Variants in BRICD5 observed in about 807,000 individuals in gnomAD.
BRICD5 encodes the protein BRICHOS domain-containing protein 5.
Under a neutral mutation model 28.4 loss-of-function variants are expected in BRICD5, and 51 were observed. The observed-to-expected ratio is 1.80, with a 90% CI of 1.43 to 2.27. The LOEUF (loss-of-function observed/expected upper bound fraction) is 2.27. Ranked by LOEUF, BRICD5 falls within the 30% of genes most tolerant of loss-of-function variation. The pLI is 0.00. For missense variants in BRICD5, 456 were observed against 309.6 expected (o/e 1.47, Z -3.55); for synonymous variants, 177 against 130.2 (o/e 1.36, Z -2.44).
At chr16:2,209,758 G>C in intron 4 of BRICD5, 52 bp from the exon 5 acceptor site, 1 of 1,531,466 alleles carries the variant, frequency 6.5e-7, no homozygotes, top group Non-Finnish European at 8.8e-7. Flanking sequence ...CCTGCTCCTG[G>C]CTTGGCAGGG....
intron 2 of BRICD5, 107 bp downstream of exon 2, chr16:2,210,412 AGGT>A: frequency 6.5e-7 from 1 of 1,533,850 alleles, no homozygotes; most frequent in Non-Finnish European, 8.8e-7. Context: ...GTCTGCTCCT[AGGT>A]GGTGTCACTG....
rs767796924 is a variant in BRICD5 at position 2,210,787 on chromosome 16, G to A, written c.47C>T (p.Thr16Ile). Reference sequence around the variant, plus strand: ...GGAGTAACGGGAGGCACTCACCCCTGTAGGCCCAGGTTTGGGGCGCTCAGC... The same window carrying A: ...GGAGTAACGGGAGGCACTCACCCCTATAGGCCCAGGTTTGGGGCGCTCAGC... ...CCAERPKPGP[T>I]GVKTKPSCGG... Residue 16 changes from threonine (T) to isoleucine (I), a missense_variant, in exon 1 of 6, where the codon ACA becomes ATA. By Grantham distance (89) the Thr-to-Ile change is moderately conservative. Transcript: ENST00000328540. 8 of 1,606,270 alleles carry A rather than the reference G, an allele frequency of 5.0e-6. No individual in the cohort carries two copies. Among genetic ancestry groups the A allele is most frequent in the Non-Finnish European group, 6.8e-6 (8 of 1,179,952 alleles).
At position 2,209,257 on chromosome 16, in the gene BRICD5, G is replaced by C. The variant is rs2093357878; in HGVS notation, c.*105C>G. 9.2e-7 allele frequency: 1 copy of C among 1,081,216 alleles called. No individual in the cohort carries two copies. Among genetic ancestry groups the C allele is most frequent in the Non-Finnish European group, 1.4e-6 (1 of 736,642 alleles). 67.0% of individuals were successfully genotyped at this position (1,081,216 alleles called of 1,614,324 possible). A position where few individuals can be genotyped will look rare whatever the true frequency, so the allele number is the denominator to read the frequency against. On this transcript the variant is annotated 3_prime_UTR_variant, in exon 6 of 6. Coordinates refer to ENST00000328540, the MANE Select transcript of BRICD5 (RefSeq NM_182563.4). The stretch of plus-strand genomic sequence containing the variant: ...ATAGAGAACACCACCACCATGGCCA[G>C]GTGGAAGGGTTTATTAGTCCCTGCC...
chr16:2,210,397 TG>T (rs2093368490), intron 2 of BRICD5, 116 bp from the exon 3 acceptor site: 9 of 1,533,832 alleles, frequency 5.9e-6, no homozygotes, highest in Non-Finnish European at 5.3e-6. Flanking sequence ...CTTGGTCCTC[TG>T]GCTGTCTGCT....
rs372610320 is a variant in BRICD5, at chr16:2,210,189, C to T, written c.273G>A (p.Ala91=). 29 of 1,600,490 alleles carry T rather than the reference C, an allele frequency of 1.8e-5. No homozygotes were observed. The highest frequency in any genetic ancestry group is 8.5e-5 in the Admixed American group (5 of 58,792). ...TILVDVARNA[A]TITVTPPQSN... is the part of the protein sequence containing the mutation. ...TCTGAGGTGGGGTCACTGTGATGGT[C>T]GCCGCGTTCCGGGCCACGTCCACCA... Residue 91 remains alanine (A), a synonymous_variant, in exon 3 of 6, where the codon GCG becomes GCA. Coordinates refer to ENST00000328540, the MANE Select transcript of BRICD5 (RefSeq NM_182563.4).
rs547524671 is a variant in BRICD5, at chr16:2,210,806, G to A, written c.28C>T (p.Arg10Cys). 9.8e-5 allele frequency: 157 copies of A among 1,604,560 alleles called. 1 individual carries two copies. Among genetic ancestry groups the A allele is most frequent in the Non-Finnish European group, 1.3e-4 (148 of 1,179,936 alleles). The change falls in exon 1 of 6, where the codon CGC becomes TGC. Residue 10 changes from arginine (R) to cysteine (C), a missense_variant. Arg to Cys is a radical substitution (Grantham distance 180, BLOSUM62 -3). Transcript: ENST00000328540. MEPASCCAE[R>C]PKPGPTGVKT... ...ACCCCTGTAGGCCCAGGTTTGGGGC[G>A]CTCAGCACAGCAGCTTGCTGGTTCC... is the stretch of plus-strand genomic sequence containing the variant.
chr16:2,209,910 T>C (rs2093365715), intron 4 of BRICD5, 40 bp downstream of exon 4: 3 of 1,474,804 alleles, frequency 2.0e-6, no homozygotes, highest in Non-Finnish European at 2.7e-6. Flanking sequence ...ACCCTTTGTC[T>C]AGCCCCTGGC....
Position 2,210,203 on chromosome 16 carries a change from C to A in BRICD5, c.259G>T (p.Ala87Ser), listed in dbSNP as rs545136878. The stretch of plus-strand genomic sequence containing the variant: ...ACTGTGATGGTCGCCGCGTTCCGGG[C>A]CACGTCCACCAGGATGGTTTGGTTG... ...RPNQTILVDV[A>S]RNAATITVTP... The change falls in exon 3 of 6, where the codon GCC (alanine) becomes TCC (serine). Residue 87 changes from alanine (A) to serine (S), a missense_variant. Transcript: ENST00000328540. 15 of 1,590,642 alleles carry A rather than the reference C, an allele frequency of 9.4e-6. No individual in the cohort carries two copies. Among genetic ancestry groups the A allele is most frequent in the Non-Finnish European group, 1.3e-5 (15 of 1,170,810 alleles).
In BRICD5 at chr16:2,210,666, G is replaced by A; in HGVS notation, c.52-16C>T. On this transcript the variant is annotated splice_polypyrimidine_tract_variant and intron_variant, in intron 1 of 5. Transcript: ENST00000328540. ...TGGTCTTCACCTGGGCGTGCATCAG[G>A]GTCAGAAGGGTCATGAGGGTTAGAC... 1 of 1,610,540 alleles carries A rather than the reference G, an allele frequency of 6.2e-7. No individual in the cohort carries two copies. Among genetic ancestry groups the A allele is most frequent in the South Asian group, 1.1e-5 (1 of 90,854 alleles).
chr16:2,210,468 G>C (rs868840844), intron 2 of BRICD5, 54 bp downstream of exon 2: 12 of 1,551,852 alleles, frequency 7.7e-6, no homozygotes, highest in African/African-American at 6.8e-5. Flanking sequence ...GGATATGCCA[G>C]CTTCCCTTCT....
Position 2,209,304 on chromosome 16 carries a change from A to T in BRICD5, c.*58T>A. ...TGCCAGCAGCTGTCCTCCCTGGTGCAGGTGGCCTGGCCAGCCCACTGGATT... is the reference window on the plus strand; with the variant it reads ...TGCCAGCAGCTGTCCTCCCTGGTGCTGGTGGCCTGGCCAGCCCACTGGATT... On this transcript the variant is annotated 3_prime_UTR_variant, in exon 6 of 6. Transcript: ENST00000328540. 2 of 1,450,226 alleles carry T rather than the reference A, an allele frequency of 1.4e-6. No individual in the cohort carries two copies. The highest frequency in any genetic ancestry group is 1.9e-6 in the Non-Finnish European group (2 of 1,041,914). 89.8% of individuals were successfully genotyped at this position (1,450,226 alleles called of 1,614,324 possible). A position where few individuals can be genotyped will look rare whatever the true frequency, so the allele number is the denominator to read the frequency against.
rs372274139 is a variant in BRICD5, at chr16:2,210,657, G to A, written c.52-7C>T. 2.1e-5 allele frequency: 34 copies of A among 1,610,400 alleles called. No homozygotes were observed. The highest frequency in any genetic ancestry group is 1.5e-4 in the African/African-American group (11 of 74,872). ...AGGAGGGCTTGGTCTTCACCTGGGC[G>A]TGCATCAGGGTCAGAAGGGTCATGA... On this transcript the variant is annotated splice_polypyrimidine_tract_variant and splice_region_variant and intron_variant, in intron 1 of 5. Transcript: ENST00000328540.
At position 2,210,464 on chromosome 16, in the gene BRICD5, G is replaced by A. The variant is rs552275821; in HGVS notation, c.180+58C>T. The A allele has an allele frequency of 8.4e-6, 13 of 1,549,640 alleles. No individual in the cohort carries two copies. The South Asian group carries it at 1.6e-4, about 19-fold the overall frequency. The stretch of plus-strand genomic sequence containing the variant: ...CTTGCTCTGCTGGAGGCTGGGATAT[G>A]CCAGCTTCCCTTCTCCCTTTCCACT... On this transcript the variant is annotated intron_variant, in intron 2 of 5. Transcript: ENST00000328540.
At chr16:2,210,732 G>C in intron 1 of BRICD5, 51 bp downstream of exon 1, 3 of 1,609,174 alleles carry the variant, frequency 1.9e-6, no homozygotes, top group Non-Finnish European at 2.5e-6. Context: ...GGGCTGGGTG[G>C]CCTGGGGCAC....
chr16:2,209,662 C>A lies in BRICD5; in HGVS notation c.483G>T (p.Gln161His). ...GGCTCCCCTGCACTGCCAGCAGCTCCTGGGTGTGGTGGGTGTCCTGGCTGG... is the reference window on the plus strand; with the variant it reads ...GGCTCCCCTGCACTGCCAGCAGCTCATGGGTGTGGTGGGTGTCCTGGCTGG... ...WVPSQDTHHT[Q>H]ELLAVQGSLE... Residue 161 changes from glutamine (Q) to histidine (H), a missense_variant, in exon 5 of 6, where the codon CAG becomes CAT. Physicochemically the swap from Gln to His is conservative, Grantham distance 24 (BLOSUM62 0). Transcript: ENST00000328540. 1.2e-6 allele frequency: 2 copies of A among 1,613,346 alleles called. No homozygotes were observed. Among genetic ancestry groups the A allele is most frequent in the Non-Finnish European group, 1.7e-6 (2 of 1,179,788 alleles).
chr16:2,209,603 A>C lies in BRICD5; in HGVS notation c.542T>G (p.Val181Gly). ...EVDPAQAGAL[V>G]QRLCMRTPIY... The stretch of plus-strand genomic sequence containing the variant: ...GGGGGTCCTCATGCACAGGCGCTGC[A>C]CCAAAGCCCCCGCCTGGGCGGGGTC... Residue 181 changes from valine (V) to glycine (G), a missense_variant, in exon 5 of 6, where the codon GTG becomes GGG. Transcript: ENST00000328540. 1 of 1,612,730 alleles carries C rather than the reference A, an allele frequency of 6.2e-7. No homozygotes were observed. Among genetic ancestry groups the C allele is most frequent in the Non-Finnish European group, 8.5e-7 (1 of 1,179,972 alleles).
intron 5 of BRICD5, 30 bp downstream of exon 5, chr16:2,209,523 T>C (rs1413410825): frequency 1.2e-6 from 2 of 1,612,600 alleles, no homozygotes; most frequent in Non-Finnish European, 8.5e-7. Flanking sequence ...CCCGAGGGCC[T>C]GGCCTTCCCC....
In BRICD5 at chr16:2,209,539, C is replaced by T. The variant is rs775184616; in HGVS notation, c.592+14G>A. ...CCGAGGGCCTGGCCTTCCCCCACAG[C>T]GGTCCTGACTCACCCTCTGCTCGCC... On this transcript the variant is annotated intron_variant, in intron 5 of 5. Transcript: ENST00000328540. 5.3e-5 allele frequency: 86 copies of T among 1,612,062 alleles called. No homozygotes were observed. In the Middle Eastern group the frequency reaches 8.2e-4, roughly 15 times the overall value.
chr16:2,209,723 G>A lies in BRICD5; in HGVS notation c.439-17C>T. 6.3e-7 allele frequency: 1 copy of A among 1,592,778 alleles called. No homozygotes were observed. The highest frequency in any genetic ancestry group is 8.6e-7 in the Non-Finnish European group (1 of 1,167,592). On this transcript the variant is annotated splice_polypyrimidine_tract_variant and intron_variant, in intron 4 of 5. Coordinates refer to ENST00000328540, the MANE Select transcript of BRICD5 (RefSeq NM_182563.4). ...CTCTTGGACCTGTTGAGAAGGCTCT[G>A]GTGGGCGGTGGGACAGGGCTGCTCC...
Sources: allele counts gnomAD v4.1 joint callset, GRCh38; gene constraint gnomAD v4.1.1; transcripts MANE v1.5; gene names NCBI Gene and HGNC (gene_info 2026-07-23, HGNC 2026-07-21).